CTNND2: variants seen among roughly 807,000 people sequenced by gnomAD.
CTNND2 encodes catenin delta 2.
CTNND2 carries 22 observed loss-of-function variants against 144.4 expected under a neutral mutation model. That is an observed-to-expected ratio of 0.15 (90% confidence interval 0.11 to 0.22). The LOEUF (loss-of-function observed/expected upper bound fraction) is 0.22, where lower values mean the gene tolerates loss of function less well. Among genes scored for constraint, CTNND2 ranks in the 10% least tolerant of loss-of-function variants. CTNND2 has a pLI of 1.00. For synonymous variants in CTNND2, 751 were observed against 695.6 expected (o/e 1.08, Z -1.25); for missense variants, 1,353 against 1,618.8 (o/e 0.84, Z 2.82).
intron 3 of CTNND2, among the ~76,000 whole-genome samples, chr5:11,451,935 C>T (rs935235004): frequency 4.6e-5 from 7 of 152,206 alleles, no homozygotes; most frequent in African/African-American, 1.7e-4. Context: ...ACGCAGCTGG[C>T]AACCATGGAA....
At chr5:11,000,511 ACT>A (rs1477819735) in intron 18 of CTNND2, among the ~76,000 whole-genome samples, 1 of 152,096 alleles carries the variant, frequency 6.6e-6, no homozygotes, top group Admixed American at 6.5e-5. Context: ...AAAGAATGAA[ACT>A]CTGTCTCAAG....
Position 11,743,484 on chromosome 5 carries a change from A to G in CTNND2, c.38-11212T>C, listed in dbSNP as rs923060819. Among the ~76,000 whole-genome samples the G allele has an allele frequency of 8.5e-5, 13 of 152,228 alleles. 1 individual carries two copies. Among genetic ancestry groups the G allele is most frequent in the African/African-American group, 1.9e-4 (8 of 41,442 alleles). ...AGAATCGTCGATCAAGTAGGCTTCCAGAACCTGATACTTGCAACCAACAGC... is the reference window on the plus strand; with the variant it reads ...AGAATCGTCGATCAAGTAGGCTTCCGGAACCTGATACTTGCAACCAACAGC... On this transcript the variant is annotated intron_variant, in intron 1 of 21. Transcript: ENST00000304623.
chr5:10,998,929 C>A (rs568143360), intron 18 of CTNND2, among the ~76,000 whole-genome samples: 1 of 152,238 alleles, frequency 6.6e-6, no homozygotes, highest in South Asian at 2.1e-4. Flanking sequence ...TTGGGAAGTC[C>A]TGTAACCAAT....
intron 10 of CTNND2, among the ~76,000 whole-genome samples, chr5:11,214,930 C>A (rs1028595265): frequency 2.0e-5 from 3 of 152,316 alleles, no homozygotes; most frequent in African/African-American, 7.2e-5. Context: ...CCATTTACCA[C>A]CTGACATATT....
chr5:11,083,933 C>T, intron 15 of CTNND2: 2 of 1,148,554 alleles, frequency 1.7e-6, no homozygotes, highest in Non-Finnish European at 1.1e-6. Flanking sequence ...ATATGCCATG[C>T]CTGCCACATC....
chr5:11,690,849 C>CTGCTGCA (rs1784877866), intron 2 of CTNND2, among the ~76,000 whole-genome samples: 1 of 143,818 alleles, frequency 7.0e-6, no homozygotes, highest in Non-Finnish European at 1.5e-5. Flanking sequence ...ATATAAAATA[C>CTGCTGCA]TGCTGCATGC....
rs543386844 is a variant in CTNND2 at position 11,859,420 on chromosome 5, A to G, written c.37+44397T>C. On this transcript the variant is annotated intron_variant, in intron 1 of 21. Coordinates refer to ENST00000304623, the MANE Select transcript of CTNND2 (RefSeq NM_001332.4). Reference sequence around the variant, plus strand: ...TAGAAATTAAAGTATCTTCCCATCAATCACCAACCCTAATGATTATAAAAT... The same window carrying G: ...TAGAAATTAAAGTATCTTCCCATCAGTCACCAACCCTAATGATTATAAAAT... Among the ~76,000 whole-genome samples, 392 of 152,352 alleles carry G rather than the reference A, an allele frequency of 2.6e-3. 1 individual carries two copies. The highest frequency in any genetic ancestry group is 4.1e-3 in the Non-Finnish European group (276 of 68,034).
Position 11,018,074 on chromosome 5 carries a change from C to A in CTNND2, c.3000-16G>T, listed in dbSNP as rs1741816721. On this transcript the variant is annotated splice_polypyrimidine_tract_variant and intron_variant, in intron 17 of 21. Coordinates refer to ENST00000304623, the MANE Select transcript of CTNND2 (RefSeq NM_001332.4). The stretch of plus-strand genomic sequence containing the variant: ...TGGAGAGTGTCTGATGAAGAAAAGA[C>A]AGGAAAGGCAAGATGTGAGTGGGAC... The A allele has an allele frequency of 6.3e-7, 1 of 1,589,510 alleles. No individual in the cohort carries two copies. Among genetic ancestry groups the A allele is most frequent in the African/African-American group, 1.3e-5 (1 of 74,348 alleles).
At chr5:11,135,156 C>T (rs576166468) in intron 12 of CTNND2, among the ~76,000 whole-genome samples, 1 of 152,312 alleles carries the variant, frequency 6.6e-6, no homozygotes, top group South Asian at 2.1e-4. Context: ...AGAGAAGGCT[C>T]GTGCCCTCCA....
intron 3 of CTNND2, among the ~76,000 whole-genome samples, chr5:11,562,733 T>C (rs1230507422): frequency 6.6e-6 from 1 of 152,252 alleles, no homozygotes; most frequent in African/African-American, 2.4e-5. Flanking sequence ...CATTTTTCTG[T>C]CTACCTTGGA....
chr5:11,120,315 T>C (rs952206105), intron 12 of CTNND2, among the ~76,000 whole-genome samples: 44 of 148,998 alleles, frequency 3.0e-4, no homozygotes, highest in Non-Finnish European at 5.7e-4. Context: ...GTTATCATAC[T>C]GTCTGAAGGG....
At chr5:11,714,759 A>T (rs1307229511) in intron 2 of CTNND2, among the ~76,000 whole-genome samples, 6 of 152,038 alleles carry the variant, frequency 3.9e-5, no homozygotes, top group Admixed American at 6.5e-5. Context: ...ACAAAAAAAA[A>T]TTAGCCGGGC....
At chr5:11,562,104 T>C (rs750853635) in intron 3 of CTNND2, among the ~76,000 whole-genome samples, 6 of 152,142 alleles carry the variant, frequency 3.9e-5, no homozygotes, top group Non-Finnish European at 7.3e-5. Context: ...CCTACCACCA[T>C]TAAAGTCAGA....
intron 3 of CTNND2, among the ~76,000 whole-genome samples, chr5:11,476,489 A>T (rs1011647057): frequency 1.3e-5 from 2 of 152,142 alleles, no homozygotes; most frequent in Non-Finnish European, 2.9e-5. Flanking sequence ...GGCCAGGTGG[A>T]GGCAAAAGTA....
intron 1 of CTNND2, among the ~76,000 whole-genome samples, chr5:11,732,818 T>A (rs1581792614): frequency 6.6e-6 from 1 of 152,068 alleles, no homozygotes; most frequent in Non-Finnish European, 1.5e-5. Flanking sequence ...TCCTTTTACC[T>A]GCTCTAAGGC....
rs936066413 is a variant in CTNND2 at position 11,486,034 on chromosome 5, A to G, written c.288-73965T>C. Among the ~76,000 whole-genome samples the G allele has an allele frequency of 2.6e-5, 4 of 152,200 alleles. No individual in the cohort carries two copies. The East Asian group carries it at 7.7e-4, about 29-fold the overall frequency. ...ATAAGAAGCCCTATAAATAAAGAAG[A>G]AAAAAACACCCAATTTGTAAAAATG... is the stretch of plus-strand genomic sequence containing the variant. On this transcript the variant is annotated intron_variant, in intron 3 of 21. Coordinates refer to ENST00000304623, the MANE Select transcript of CTNND2 (RefSeq NM_001332.4).
intron 7 of CTNND2, among the ~76,000 whole-genome samples, chr5:11,372,821 C>T (rs1757585207): frequency 6.6e-6 from 1 of 152,170 alleles, no homozygotes; most frequent in Admixed American, 6.5e-5. Context: ...CGCTGCTGGT[C>T]CACGGACCAC....
intron 11 of CTNND2, among the ~76,000 whole-genome samples, chr5:11,192,263 C>G (rs1736349047): frequency 6.6e-6 from 1 of 152,140 alleles, no homozygotes; most frequent in South Asian, 2.1e-4. Context: ...CAGGTTAAGT[C>G]CACAGATGAT....
At chr5:11,515,323 CCT>C (rs1772066493) in intron 3 of CTNND2, among the ~76,000 whole-genome samples, 1 of 152,232 alleles carries the variant, frequency 6.6e-6, no homozygotes, top group South Asian at 2.1e-4. Flanking sequence ...AAGCTACTAT[CCT>C]CTTTCTGCTG....
Sources: gnomAD v4.1 joint callset for allele counts (sites outside exome capture counted in the v4.1 genomes callset) on GRCh38, gnomAD v4.1.1 for gene constraint, MANE v1.5 for transcripts, NCBI Gene and HGNC (gene_info 2026-07-23, HGNC 2026-07-21) for gene names.